NIPBL: variants seen among roughly 807,000 people sequenced by gnomAD.
NIPBL encodes the protein NIPBL cohesin loading factor, also known as nipped-B-like protein.
In NIPBL, 19 loss-of-function variants were observed where a neutral mutation model predicts 321.8. The observed-to-expected ratio is 0.06, with a 90% confidence interval of 0.04 to 0.09. NIPBL has a LOEUF of 0.09. NIPBL is among the 10% of genes least tolerant of loss of function. The probability of loss-of-function intolerance (pLI) is 1.00; values close to 1 mark genes in which losing one functional copy is unlikely to be tolerated. For missense variants in NIPBL, 2,210 were observed against 3,327.0 expected, an observed-to-expected ratio of 0.66 and a Z score of 8.26; for synonymous variants, 1,106 against 1,114.1, an observed-to-expected ratio of 0.99 and a Z score of 0.14.
intron 1 of NIPBL, among the ~76,000 whole-genome samples, chr5:36,938,381 G>A (rs1238435966): frequency 6.6e-6 from 1 of 151,868 alleles, no homozygotes; most frequent in Middle Eastern, 3.2e-3. Context: ...AGTGAGAAAG[G>A]GAAAGACGAG....
At chr5:36,994,106 TA>T (rs1435066290) in intron 10 of NIPBL, among the ~76,000 whole-genome samples, 1 of 152,192 alleles carries the variant, frequency 6.6e-6, no homozygotes, top group East Asian at 1.9e-4. Flanking sequence ...CTTTTACTTC[TA>T]CCAGTATTCT....
chr5:36,990,700 T>G (rs912035959), intron 10 of NIPBL, among the ~76,000 whole-genome samples: 2 of 152,166 alleles, frequency 1.3e-5, no homozygotes, highest in Non-Finnish European at 2.9e-5. Context: ...TGATTTCCAT[T>G]TGTAGAAATT....
chr5:36,905,751 G>T (rs892521961), intron 1 of NIPBL, among the ~76,000 whole-genome samples: 1 of 147,490 alleles, frequency 6.8e-6, no homozygotes, highest in Non-Finnish European at 1.5e-5. Flanking sequence ...TTGTTTTTGT[G>T]TTTTTTTTTT....
rs759445904 is a variant in NIPBL, at chr5:37,000,882, C to T, written c.3568C>T (p.Pro1190Ser). Residue 1190 changes from proline (P) to serine (S), a missense_variant, in exon 13 of 47, where the codon CCT becomes TCT. Physicochemically the swap from Pro to Ser is moderately conservative, Grantham distance 74 (BLOSUM62 -1). Coordinates refer to ENST00000282516, the MANE Select transcript of NIPBL (RefSeq NM_133433.4). Reference sequence around the variant, plus strand: ...GAAAGCATATGAACCAAAACTAACACCTGAAGGTAACACGTTAGTTTATTT... The same window carrying T: ...GAAAGCATATGAACCAAAACTAACATCTGAAGGTAACACGTTAGTTTATTT... Reference protein sequence around the residue: ...KRKAYEPKLTPEEMMDSSTFK... With the variant: ...KRKAYEPKLTSEEMMDSSTFK... The T allele has an allele frequency of 1.2e-6, 2 of 1,609,942 alleles. No homozygotes were observed. Among genetic ancestry groups the T allele is most frequent in the South Asian group, 2.2e-5 (2 of 90,996 alleles).
intron 1 of NIPBL, among the ~76,000 whole-genome samples, chr5:36,897,888 G>GAA (rs34089902): frequency 4.0e-4 from 39 of 96,760 alleles, no homozygotes; most frequent in Admixed American, 2.4e-3. Context: ...GTCATACAGG[G>GAA]AAAAAAAAAA....
intron 32 of NIPBL, among the ~76,000 whole-genome samples, chr5:37,033,730 AT>A (rs58081432): frequency 0.044 from 941 of 21,488 alleles, 13 homozygotes; most frequent in Admixed American, 0.058. Flanking sequence ...ATATATATAT[AT>A]TTTTTTTTTT....
rs58081432 is a variant in NIPBL at position 37,033,730 on chromosome 5, A to ATTTTT, written c.5863-2633_5863-2629dup. Among the ~76,000 whole-genome samples the ATTTTT allele has an allele frequency of 1.6e-3, 35 of 21,506 alleles. 1 individual carries two copies. Among genetic ancestry groups the ATTTTT allele is most frequent in the East Asian group, 3.6e-3 (3 of 836 alleles). 14.1% of individuals were successfully genotyped at this position (21,506 alleles called of 152,430 possible). ...CATATATATATATATATATATATAT[A>ATTTTT]TTTTTTTTTTTTTTTTTTTTAATGG... On this transcript the variant is annotated intron_variant, in intron 32 of 46. Transcript: ENST00000282516.
At chr5:37,063,013 A>G (rs1473098972) in intron 45 of NIPBL, among the ~76,000 whole-genome samples, 3 of 152,150 alleles carry the variant, frequency 2.0e-5, no homozygotes, top group Non-Finnish European at 4.4e-5. Flanking sequence ...TGTTTTTGAA[A>G]TTAGAGGACT....
In NIPBL at chr5:37,048,491, C is replaced by T. The variant is rs1362434129; in HGVS notation, c.6590-11C>T. On this transcript the variant is annotated splice_polypyrimidine_tract_variant and intron_variant, in intron 38 of 46. Transcript: ENST00000282516. ...ATGAATATATGATGAGATTTTTCCC[C>T]TCTCCCATAGGATTTGCCTTTATTC... is the stretch of plus-strand genomic sequence containing the variant. 2.3e-5 allele frequency: 35 copies of T among 1,518,482 alleles called. No individual in the cohort carries two copies. Among genetic ancestry groups the T allele is most frequent in the Non-Finnish European group, 2.9e-5 (33 of 1,128,262 alleles). 94.1% of individuals were successfully genotyped at this position (1,518,482 alleles called of 1,614,324 possible). A position where few individuals can be genotyped will look rare whatever the true frequency, so the allele number is the denominator to read the frequency against.
chr5:36,921,883 GT>G (rs764979254), intron 1 of NIPBL, among the ~76,000 whole-genome samples: 183 of 142,994 alleles, frequency 1.3e-3, no homozygotes, highest in Admixed American at 3.5e-3. Context: ...TTGGTTTTGG[GT>G]TTTTTTTGTT....
intron 23 of NIPBL, 76 bp from the exon 24 acceptor site, chr5:37,016,943 G>C (rs772382600): frequency 2.4e-5 from 25 of 1,025,946 alleles, no homozygotes; most frequent in Non-Finnish European, 3.2e-5. Flanking sequence ...ATTTAGATTG[G>C]GAATTTATAT....
Position 36,950,440 on chromosome 5 carries a change from T to G in NIPBL, c.-79-3178T>G, listed in dbSNP as rs190245633. ...TGGGCTACTTTCCTCACTCTTCCAT[T>G]TTTTCAAATCAGCAACTCTCAGATG... On this transcript the variant is annotated intron_variant, in intron 1 of 46. Transcript: ENST00000282516. Among the ~76,000 whole-genome samples, 147 of 152,180 alleles carry G rather than the reference T, an allele frequency of 9.7e-4. 1 individual carries two copies. The highest frequency in any genetic ancestry group is 3.4e-3 in the African/African-American group (143 of 41,556).
At chr5:36,989,381 G>A (rs1745211155) in intron 10 of NIPBL, among the ~76,000 whole-genome samples, 1 of 152,000 alleles carries the variant, frequency 6.6e-6, no homozygotes, top group Non-Finnish European at 1.5e-5. Flanking sequence ...GCCTGGGAGG[G>A]GTGGAGGGGG....
At position 37,046,150 on chromosome 5, in the gene NIPBL, T is replaced by C; in HGVS notation, c.6540T>C (p.Phe2180=). 1 of 1,580,598 alleles carries C rather than the reference T, an allele frequency of 6.3e-7. No homozygotes were observed. The highest frequency in any genetic ancestry group is 8.7e-7 in the Non-Finnish European group (1 of 1,149,570). ...AAGTACTTGAACTATTGATGTATTT[T>C]ACAAAACACTCAGATGAAGAAGTAC... The part of the protein sequence containing the change: ...KDKVLELLMY[F]TKHSDEEVQT... The change falls in exon 38 of 47, where the codon TTT becomes TTC. Residue 2180 remains phenylalanine, a synonymous_variant. Transcript: ENST00000282516.
chr5:37,040,110 A>G (rs189090094), intron 34 of NIPBL, among the ~76,000 whole-genome samples: 150 of 152,234 alleles, frequency 9.9e-4, no homozygotes, highest in Non-Finnish European at 1.7e-3. Flanking sequence ...ATTCAGCCCC[A>G]TGTCTGCCAG....
At chr5:36,937,682 C>T (rs77859695) in intron 1 of NIPBL, among the ~76,000 whole-genome samples, 3,377 of 152,222 alleles carry the variant, frequency 0.022, 48 homozygotes, top group Non-Finnish European at 0.036. Flanking sequence ...AAATTACTCT[C>T]AGATTTCTGC....
chr5:36,979,244 G>C (rs2149633964), intron 9 of NIPBL, among the ~76,000 whole-genome samples: 1 of 151,986 alleles, frequency 6.6e-6, no homozygotes, highest in South Asian at 2.1e-4. Flanking sequence ...TGATTTGTTT[G>C]TGTTATCTAT....
intron 35 of NIPBL, 71 bp from the exon 36 acceptor site, chr5:37,044,565 A>G (rs1171478700): frequency 1.3e-5 from 21 of 1,576,788 alleles, no homozygotes; most frequent in Non-Finnish European, 1.8e-5. Context: ...TAAAGCAAAT[A>G]TTTGTAAAAA....
intron 1 of NIPBL, among the ~76,000 whole-genome samples, chr5:36,901,569 G>A (rs1747226206): frequency 7.2e-6 from 1 of 138,464 alleles, no homozygotes; most frequent in Non-Finnish European, 1.5e-5. Flanking sequence ...GAGTGCAATG[G>A]CACGATCTTG....
Sources: gnomAD v4.1 joint callset for allele counts (sites outside exome capture counted in the v4.1 genomes callset) on GRCh38, gnomAD v4.1.1 for gene constraint, MANE v1.5 for transcripts, NCBI Gene and HGNC (gene_info 2026-07-23, HGNC 2026-07-21) for gene names.